The following KNOP1 variants were observed in gnomAD, a reference collection of about 807,000 sequenced individuals.
KNOP1 encodes lysine rich nucleolar protein 1, also known as lysine-rich nucleolar protein 1.
Under a neutral mutation model 30.6 loss-of-function variants are expected in KNOP1, and 20 were observed. That is an observed-to-expected ratio of 0.65 (90% CI 0.46 to 0.95). The LOEUF (loss-of-function observed/expected upper bound fraction) is 0.95. Ranked by LOEUF, KNOP1 falls within the 40% of genes least tolerant of loss-of-function variation. The pLI is 0.00. For synonymous variants in KNOP1, 204 were observed against 210.0 expected, an observed-to-expected ratio of 0.97 and a Z score of 0.25; for missense variants, 540 against 562.0, an observed-to-expected ratio of 0.96 and a Z score of 0.40.
chr16:19,712,714 A>G (rs1265179303), intron 2 of KNOP1, among the ~76,000 whole-genome samples: 1 of 152,196 alleles, frequency 6.6e-6, no homozygotes, highest in Non-Finnish European at 1.5e-5. Context: ...AACACTCAAG[A>G]AATGTCAGCC....
Position 19,714,974 on chromosome 16 carries a change from ACTTT to A in KNOP1, c.58_61del (p.Lys20TrpfsTer12). On this transcript the variant is annotated frameshift_variant, in exon 2 of 5. Coordinates refer to ENST00000219837, the MANE Select transcript of KNOP1 (RefSeq NM_001012991.3). LOFTEE classifies it high-confidence loss of function. Reference sequence around the variant, plus strand: ...GTATCGAGTCTCTGGTTCTTTGACCACTTTCTTCTTCTTTTTCTTCTCTGGGAGC... The same window carrying A: ...GTATCGAGTCTCTGGTTCTTTGACCACTTCTTCTTTTTCTTCTCTGGGAGC... 6.3e-7 allele frequency: 1 copy of A among 1,594,878 alleles called. No individual in the cohort carries two copies. The highest frequency in any genetic ancestry group is 8.5e-7 in the Non-Finnish European group (1 of 1,174,654).
At position 19,714,608 on chromosome 16, in the gene KNOP1, C is replaced by G. The variant is rs775196338; in HGVS notation, c.428G>C (p.Arg143Thr). 5 of 1,614,130 alleles carry G rather than the reference C, an allele frequency of 3.1e-6. No individual in the cohort carries two copies. The highest frequency in any genetic ancestry group is 4.2e-6 in the Non-Finnish European group (5 of 1,180,018). Reference protein sequence around the residue: ...PDPRQGEEETRVGKKLKKHKK... With the variant: ...PDPRQGEEETTVGKKLKKHKK... ...GTGTTTTTTGAGCTTCTTGCCAACT[C>G]TGGTTTCCTCCTCACCCTGTCTAGG... Residue 143 changes from arginine to threonine, a missense_variant, in exon 2 of 5, where the codon AGA becomes ACA. By Grantham distance (71) the Arg-to-Thr change is moderately conservative. Coordinates refer to ENST00000219837, the MANE Select transcript of KNOP1 (RefSeq NM_001012991.3).
chr16:19,714,924 A>G lies in KNOP1; in HGVS notation c.112T>C (p.Phe38Leu), dbSNP rs749314953. 3.3e-5 allele frequency: 53 copies of G among 1,613,562 alleles called. No individual in the cohort carries two copies. Among genetic ancestry groups the G allele is most frequent in the Non-Finnish European group, 4.1e-5 (48 of 1,179,870 alleles). ...RYSVLNNDDY[F>L]ADVSPLRATS... ...GCTCTTAAAGGAGAAACATCAGCAA[A>G]GTAATCATCATTGTTTAAAACTGAG... Residue 38 changes from phenylalanine to leucine, a missense_variant, in exon 2 of 5, where the codon TTT (phenylalanine) becomes CTT (leucine). Coordinates refer to ENST00000219837, the MANE Select transcript of KNOP1 (RefSeq NM_001012991.3).
chr16:19,702,718 T>C lies in KNOP1; in HGVS notation c.*4192A>G, dbSNP rs1480608137. On this transcript the variant is annotated 3_prime_UTR_variant, in exon 5 of 5. Transcript: ENST00000219837. ...GAAAATAAAAATGATGGGGCCTGGG[T>C]GCGGTGGCTCATGCCTGTAATACCA... 6.6e-6 allele frequency: 1 copy of C among 152,012 alleles called. No individual in the cohort carries two copies. The highest frequency in any genetic ancestry group is 1.5e-5 in the Non-Finnish European group (1 of 68,000). 9.4% of individuals were successfully genotyped at this position (152,012 alleles called of 1,614,324 possible).
At chr16:19,712,420 T>C (rs1157298469) in intron 2 of KNOP1, among the ~76,000 whole-genome samples, 3 of 152,024 alleles carry the variant, frequency 2.0e-5, no homozygotes, top group East Asian at 1.9e-4. Flanking sequence ...CTGGGGTTTA[T>C]GCTAATGGAA....
rs999483149 is a variant in KNOP1 at position 19,705,374 on chromosome 16, G to A, written c.*1536C>T. On this transcript the variant is annotated 3_prime_UTR_variant, in exon 5 of 5. Coordinates refer to ENST00000219837, the MANE Select transcript of KNOP1 (RefSeq NM_001012991.3). ...TGTATTTTGGGATGCAAAAAGCTAGGTGAGTGGAAAGAAGGTGGTCACAGA... is the reference window on the plus strand; with the variant it reads ...TGTATTTTGGGATGCAAAAAGCTAGATGAGTGGAAAGAAGGTGGTCACAGA... 35 of 408,802 alleles carry A rather than the reference G, an allele frequency of 8.6e-5. 1 individual carries two copies. Among genetic ancestry groups the A allele is most frequent in the African/African-American group, 4.9e-4 (24 of 48,708 alleles). The allele number at this position is 408,802 out of a possible 1,614,324, so 25.3% of individuals were successfully genotyped here. A position where few individuals can be genotyped will look rare whatever the true frequency, so the allele number is the denominator to read the frequency against.
chr16:19,711,755 G>T, intron 2 of KNOP1: 1 of 388,114 alleles, frequency 2.6e-6, no homozygotes, highest in Non-Finnish European at 4.8e-6. Flanking sequence ...CTGACCCAGG[G>T]CTTGGTGTCC....
rs756568608 is a variant in KNOP1 at position 19,714,657 on chromosome 16, A to G, written c.379T>C (p.Ser127Pro). The G allele has an allele frequency of 6.2e-6, 10 of 1,613,990 alleles. No individual in the cohort carries two copies. In the Admixed American group the frequency reaches 1.7e-4, roughly 27 times the overall value. ...KKSPLAMSHA[S>P]GVKTSPDPRQ... ...GGGTCTGGGGAGGTTTTCACCCCAG[A>G]GGCATGGGACATGGCTAGAGGTGAC... The change falls in exon 2 of 5, where the codon TCT becomes CCT. Residue 127 changes from serine to proline, a missense_variant. Ser to Pro is a moderately conservative substitution (Grantham distance 74, BLOSUM62 -1). Transcript: ENST00000219837.
rs1284138081 is a variant in KNOP1, at chr16:19,705,403, T to G, written c.*1507A>C. The stretch of plus-strand genomic sequence containing the variant: ...GTGGAAAGAAGGTGGTCACAGATGG[T>G]CACATGCGACTTGGGCCACTGGACC... On this transcript the variant is annotated 3_prime_UTR_variant, in exon 5 of 5. Transcript: ENST00000219837. The G allele has an allele frequency of 2.6e-6, 1 of 382,092 alleles. No homozygotes were observed. The highest frequency in any genetic ancestry group is 5.2e-6 in the Non-Finnish European group (1 of 190,894). The allele number at this position is 382,092 out of a possible 1,614,324, so 23.7% of individuals were successfully genotyped here.
intron 1 of KNOP1, among the ~76,000 whole-genome samples, chr16:19,716,083 G>T (rs1358937527): frequency 6.6e-6 from 1 of 152,202 alleles, no homozygotes; most frequent in Non-Finnish European, 1.5e-5. Context: ...CAAAGAGCCA[G>T]GCCTGAGCTA....
In KNOP1 at chr16:19,711,379, A is replaced by C; in HGVS notation, c.980T>G (p.Ile327Arg). ...GGAGGGTCTGGGCTGTACCTGGTCTATGTGCGCCTCATCCATGTTGCCTTT... is the reference window on the plus strand; with the variant it reads ...GGAGGGTCTGGGCTGTACCTGGTCTCTGTGCGCCTCATCCATGTTGCCTTT... Reference protein sequence around the residue: ...EKKGNMDEAHIDQVRRKALQE... With the variant: ...EKKGNMDEAHRDQVRRKALQE... The change falls in exon 3 of 5, where the codon ATA becomes AGA. Residue 327 changes from isoleucine (I) to arginine (R), a missense_variant. Physicochemically the swap from Ile to Arg is moderately conservative, Grantham distance 97 (BLOSUM62 -3). Transcript: ENST00000219837. 6.2e-7 allele frequency: 1 copy of C among 1,614,056 alleles called. No homozygotes were observed. The highest frequency in any genetic ancestry group is 8.5e-7 in the Non-Finnish European group (1 of 1,180,018).
chr16:19,715,907 A>C (rs1977035618), intron 1 of KNOP1, among the ~76,000 whole-genome samples: 1 of 152,176 alleles, frequency 6.6e-6, no homozygotes. Context: ...TCCCCAGCCA[A>C]GTTCCTGCAC....
intron 4 of KNOP1, among the ~76,000 whole-genome samples, chr16:19,707,759 A>G (rs1444114063): frequency 5.1e-5 from 5 of 98,192 alleles, no homozygotes; most frequent in East Asian, 7.1e-4. Context: ...ACCTCCCTAC[A>G]CGGCGCACAT....
In KNOP1 at chr16:19,706,664, G is replaced by C. The variant is rs530926023; in HGVS notation, c.*246C>G. On this transcript the variant is annotated 3_prime_UTR_variant, in exon 5 of 5. Coordinates refer to ENST00000219837, the MANE Select transcript of KNOP1 (RefSeq NM_001012991.3). The stretch of plus-strand genomic sequence containing the variant: ...CAAGCCCATCAATATAGTTGTCCTC[G>C]TCCTTAATCTCCACAGGTGTTCAAT... 4.1e-6 allele frequency: 2 copies of C among 483,104 alleles called. No homozygotes were observed. The highest frequency in any genetic ancestry group is 3.7e-6 in the Non-Finnish European group (1 of 272,614). 29.9% of individuals were successfully genotyped at this position (483,104 alleles called of 1,614,324 possible).
intron 4 of KNOP1, chr16:19,710,192 C>G (rs60703287): frequency 0.025 from 10,706 of 420,284 alleles, 838 homozygotes; most frequent in African/African-American, 0.18. Context: ...CATCGTCCAC[C>G]ACTGGCAAGA....
In KNOP1 at chr16:19,705,486, G is replaced by T. The variant is rs76070632; in HGVS notation, c.*1424C>A. ...GCTTGGAAACGCTGTCCCCACAGCCGATGAGGCAACTTCCCGTGTCATCTC... is the reference window on the plus strand; with the variant it reads ...GCTTGGAAACGCTGTCCCCACAGCCTATGAGGCAACTTCCCGTGTCATCTC... On this transcript the variant is annotated 3_prime_UTR_variant, in exon 5 of 5. Coordinates refer to ENST00000219837, the MANE Select transcript of KNOP1 (RefSeq NM_001012991.3). 1,934 of 316,426 alleles carry T rather than the reference G, an allele frequency of 6.1e-3. 59 individuals carry two copies. The highest frequency in any genetic ancestry group is 0.046 in the East Asian group (530 of 11,428). 19.6% of individuals were successfully genotyped at this position (316,426 alleles called of 1,614,324 possible). A position where few individuals can be genotyped will look rare whatever the true frequency, so the allele number is the denominator to read the frequency against.
Position 19,714,560 on chromosome 16 carries a change from T to G in KNOP1, c.476A>C (p.Gln159Pro), listed in dbSNP as rs1266937309. 1 of 1,614,060 alleles carries G rather than the reference T, an allele frequency of 6.2e-7. No individual in the cohort carries two copies. The highest frequency in any genetic ancestry group is 8.5e-7 in the Non-Finnish European group (1 of 1,180,044). The change falls in exon 2 of 5, where the codon CAG (glutamine) becomes CCG (proline). Residue 159 changes from glutamine (Q) to proline (P), a missense_variant. Gln to Pro is a moderately conservative substitution (Grantham distance 76). Transcript: ENST00000219837. Reference sequence around the variant, plus strand: ...CTGGACCGAGAAGGCTGTGGGGTCCTGGGCCCCCTTTTTTTCCTTCTTGTG... The same window carrying G: ...CTGGACCGAGAAGGCTGTGGGGTCCGGGGCCCCCTTTTTTTCCTTCTTGTG... ...KKHKKEKKGA[Q>P]DPTAFSVQDP... is the part of the protein sequence containing the mutation.
At chr16:19,707,981 C>A (rs1273965811) in intron 4 of KNOP1, among the ~76,000 whole-genome samples, 1 of 139,168 alleles carries the variant, frequency 7.2e-6, no homozygotes, top group African/African-American at 2.7e-5. Flanking sequence ...CCCTACACAG[C>A]GCACCTCACC....
chr16:19,707,476 AC>A (rs2151642306), intron 4 of KNOP1, among the ~76,000 whole-genome samples: 1 of 151,892 alleles, frequency 6.6e-6, no homozygotes, highest in Non-Finnish European at 1.5e-5. Context: ...CTAACTAGTG[AC>A]CCCCAGAATT....
Sources: gnomAD v4.1 joint callset for allele counts (sites outside exome capture counted in the v4.1 genomes callset) on GRCh38, gnomAD v4.1.1 for gene constraint, MANE v1.5 for transcripts, NCBI Gene and HGNC (gene_info 2026-07-23, HGNC 2026-07-21) for gene names.